The following ROBO1 variants were observed in gnomAD, a reference collection of about 807,000 sequenced individuals.
ROBO1 encodes roundabout guidance receptor 1.
ROBO1 carries 149 observed loss-of-function variants against 195.9 expected under a neutral mutation model. That is an observed-to-expected ratio of 0.76 (90% CI 0.67 to 0.87). The LOEUF is 0.87. Among genes scored for constraint, ROBO1 ranks in the 40% least tolerant of loss-of-function variants. The probability of loss-of-function intolerance (pLI) is 0.00; values close to 1 mark genes in which losing one functional copy is unlikely to be tolerated. For missense variants in ROBO1, 1,933 were observed against 2,068.3 expected, an observed-to-expected ratio of 0.93 and a Z score of 1.27; for synonymous variants, 816 against 733.2, an observed-to-expected ratio of 1.11 and a Z score of -1.82.
chr3:79,171,187 T>TTAA (rs2081158871), intron 2 of ROBO1, among the ~76,000 whole-genome samples: 1 of 149,980 alleles, frequency 6.7e-6, no homozygotes, highest in African/African-American at 2.4e-5. Context: ...AGCTTATAAA[T>TTAA]TAATAATTAC....
At chr3:78,642,910 A>G (rs1271948339) in intron 21 of ROBO1, among the ~76,000 whole-genome samples, 1 of 152,198 alleles carries the variant, frequency 6.6e-6, no homozygotes, top group African/African-American at 2.4e-5. Flanking sequence ...CTCTGAAGTT[A>G]CAAAGGACTG....
At chr3:78,706,031 CAA>C (rs10576189) in intron 8 of ROBO1, among the ~76,000 whole-genome samples, 38,374 of 151,650 alleles carry the variant, frequency 0.25, 4,987 homozygotes, top group African/African-American at 0.31. Context: ...ACTAACAAAG[CAA>C]AGTCAGCAAA....
chr3:79,166,524 G>A (rs2108680113), intron 2 of ROBO1, among the ~76,000 whole-genome samples: 1 of 149,648 alleles, frequency 6.7e-6, no homozygotes, highest in South Asian at 2.1e-4. Context: ...CCACTAGAAT[G>A]TAAGTTGCAG....
intron 28 of ROBO1, among the ~76,000 whole-genome samples, chr3:78,609,062 G>GT (rs769414536): frequency 1.3e-5 from 2 of 152,138 alleles, no homozygotes; most frequent in Non-Finnish European, 2.9e-5. Flanking sequence ...GCATAGCTAT[G>GT]TTTTTAAGTC....
At chr3:79,325,993 G>GC (rs1163164806) in intron 2 of ROBO1, among the ~76,000 whole-genome samples, 3 of 152,044 alleles carry the variant, frequency 2.0e-5, no homozygotes, top group Non-Finnish European at 4.4e-5. Context: ...TCTATAGATG[G>GC]CCCCCCTGGG....
intron 2 of ROBO1, among the ~76,000 whole-genome samples, chr3:79,416,838 C>A (rs1485697623): frequency 6.6e-6 from 1 of 152,138 alleles, no homozygotes; most frequent in Non-Finnish European, 1.5e-5. Flanking sequence ...AGCATAACCA[C>A]AGATGTTAAA....
At chr3:79,212,093 T>A (rs528294853) in intron 2 of ROBO1, among the ~76,000 whole-genome samples, 2 of 152,358 alleles carry the variant, frequency 1.3e-5, no homozygotes, top group African/African-American at 4.8e-5. Flanking sequence ...CTCCTGCTAT[T>A]GTTTGTGGTT....
chr3:79,569,230 C>T lies in ROBO1; in HGVS notation c.88+20594G>A, dbSNP rs553024532. ...AATTTATTAAAGAACATTCCTTAAA[C>T]TAACGCTGTCAAAGGCACTTTTATT... On this transcript the variant is annotated intron_variant, in intron 2 of 30. Coordinates refer to ENST00000464233, the MANE Select transcript of ROBO1 (RefSeq NM_002941.4). Among the ~76,000 whole-genome samples the T allele has an allele frequency of 3.2e-3, 495 of 152,308 alleles. 2 individuals are homozygous for T. The highest frequency in any genetic ancestry group is 0.011 in the African/African-American group (445 of 41,580).
At chr3:78,878,518 A>G (rs1055330933) in intron 4 of ROBO1, among the ~76,000 whole-genome samples, 1 of 141,786 alleles carries the variant, frequency 7.1e-6, no homozygotes, top group African/African-American at 2.6e-5. Context: ...TGGGGGACAG[A>G]GATTGCAGTG....
At chr3:78,890,486 A>G (rs2036823780) in intron 4 of ROBO1, among the ~76,000 whole-genome samples, 1 of 152,150 alleles carries the variant, frequency 6.6e-6, no homozygotes, top group South Asian at 2.1e-4. Context: ...CAGAACCTTG[A>G]GAAGTAAACG....
chr3:79,177,689 A>G (rs1462263827), intron 2 of ROBO1, among the ~76,000 whole-genome samples: 1 of 152,252 alleles, frequency 6.6e-6, no homozygotes, highest in African/African-American at 2.4e-5. Context: ...TGAACATGGC[A>G]TAAGAGCATT....
At chr3:79,156,074 A>T (rs562802024) in intron 2 of ROBO1, among the ~76,000 whole-genome samples, 5 of 151,594 alleles carry the variant, frequency 3.3e-5, no homozygotes, top group African/African-American at 1.2e-4. Context: ...ACTCCTAAAC[A>T]CCCTTAGTCC....
chr3:79,733,952 C>CTTTT (rs747730486), intron 1 of ROBO1, among the ~76,000 whole-genome samples: 1 of 138,798 alleles, frequency 7.2e-6, no homozygotes, highest in Non-Finnish European at 1.5e-5. Context: ...ATCCTCCCAT[C>CTTTT]TTTTTTTTTT....
chr3:79,430,947 G>A (rs978259316), intron 2 of ROBO1, among the ~76,000 whole-genome samples: 1 of 152,092 alleles, frequency 6.6e-6, no homozygotes. Flanking sequence ...GTATTTGGAA[G>A]TATAAGTATT....
At chr3:79,722,466 A>G (rs1025979318) in intron 1 of ROBO1, among the ~76,000 whole-genome samples, 4 of 152,212 alleles carry the variant, frequency 2.6e-5, no homozygotes, top group Admixed American at 2.6e-4. Flanking sequence ...GTCCACAGCC[A>G]TTCATGAAGA....
intron 1 of ROBO1, among the ~76,000 whole-genome samples, chr3:79,661,928 T>C (rs1208718048): frequency 6.6e-6 from 1 of 150,506 alleles, no homozygotes; most frequent in East Asian, 1.9e-4. Context: ...ATATTTTCTC[T>C]TTTTTTTTGT....
chr3:79,426,290 A>G (rs1418286876), intron 2 of ROBO1, among the ~76,000 whole-genome samples: 1 of 152,170 alleles, frequency 6.6e-6, no homozygotes, highest in Non-Finnish European at 1.5e-5. Flanking sequence ...ACGCAAGTCC[A>G]GGTCCCTTAG....
At chr3:79,702,610 C>T (rs987269115) in intron 1 of ROBO1, among the ~76,000 whole-genome samples, 1 of 151,772 alleles carries the variant, frequency 6.6e-6, no homozygotes, top group Admixed American at 6.6e-5. Context: ...AAGAGATAGG[C>T]ATTATTGTGC....
At chr3:79,051,726 G>A (rs1316146209) in intron 3 of ROBO1, among the ~76,000 whole-genome samples, 3 of 152,122 alleles carry the variant, frequency 2.0e-5, no homozygotes, top group African/African-American at 4.8e-5. Context: ...AAGAACATAA[G>A]TTGTGAAGAT....
Sources: allele counts gnomAD v4.1 joint callset (sites outside exome capture counted in the v4.1 genomes callset), GRCh38; gene constraint gnomAD v4.1.1; transcripts MANE v1.5; gene names NCBI Gene and HGNC (gene_info 2026-07-23, HGNC 2026-07-21).